RAB28: variants seen among roughly 807,000 people sequenced by gnomAD.
RAB28 encodes RAB28, member RAS oncogene family, also known as ras-related protein Rab-28.
Under a neutral mutation model 31.7 loss-of-function variants are expected in RAB28, and 24 were observed. The observed-to-expected ratio is 0.76, with a 90% CI of 0.55 to 1.06. The LOEUF is 1.06. Among genes scored for constraint, RAB28 ranks in the 50% least tolerant of loss-of-function variants. The pLI is 0.00. For synonymous variants in RAB28, 100 were observed against 90.4 expected, an observed-to-expected ratio of 1.11 and a Z score of -0.60; for missense variants, 254 against 258.5, an observed-to-expected ratio of 0.98 and a Z score of 0.12.
chr4:13,481,875 G>A (rs1024607143), intron 1 of RAB28, among the ~76,000 whole-genome samples: 2 of 152,054 alleles, frequency 1.3e-5, no homozygotes, highest in Admixed American at 1.3e-4. Flanking sequence ...ATACAAGTAA[G>A]AATGAAAGAG....
chr4:13,438,746 T>C (rs1212364495), intron 4 of RAB28, among the ~76,000 whole-genome samples: 2 of 152,182 alleles, frequency 1.3e-5, no homozygotes, highest in Non-Finnish European at 2.9e-5. Context: ...TAAATTTTTG[T>C]GTGGGCATAC....
intron 6 of RAB28, chr4:13,370,350 C>A: frequency 1.1e-6 from 1 of 946,308 alleles, no homozygotes; most frequent in Non-Finnish European, 1.3e-6. Flanking sequence ...TGTTAAAGTG[C>A]AATAAAAGGA....
At chr4:13,402,180 T>G (rs1711806951) in intron 4 of RAB28, among the ~76,000 whole-genome samples, 1 of 152,236 alleles carries the variant, frequency 6.6e-6, no homozygotes, top group Non-Finnish European at 1.5e-5. Flanking sequence ...TGATAAATAC[T>G]TCATCTGCAC....
chr4:13,373,959 A>ATGTATGTATGTG (rs574362033), intron 6 of RAB28, among the ~76,000 whole-genome samples: 1 of 151,192 alleles, frequency 6.6e-6, no homozygotes, highest in African/African-American at 2.4e-5. Flanking sequence ...GTATGTATGT[A>ATGTATGTATGTG]TGTGTGTGTG....
At position 13,390,854 on chromosome 4, in the gene RAB28, C is replaced by G. The variant is rs141313000; in HGVS notation, c.392-9260G>C. On this transcript the variant is annotated intron_variant, in intron 4 of 6. Coordinates refer to ENST00000330852, the MANE Select transcript of RAB28 (RefSeq NM_001017979.3). Reference sequence around the variant, plus strand: ...TGCTGGGAAAACTGGCTAGCCATATCTAGAAAGGTGAAACTGGATCCCTTC... The same window carrying G: ...TGCTGGGAAAACTGGCTAGCCATATGTAGAAAGGTGAAACTGGATCCCTTC... Among the ~76,000 whole-genome samples, 545 of 152,148 alleles carry G rather than the reference C, an allele frequency of 3.6e-3. 3 individuals carry two copies. The highest frequency in any genetic ancestry group is 0.012 in the African/African-American group (488 of 41,518).
intron 4 of RAB28, among the ~76,000 whole-genome samples, chr4:13,429,107 G>C (rs1414273898): frequency 6.6e-6 from 1 of 151,968 alleles, no homozygotes; most frequent in Non-Finnish European, 1.5e-5. Flanking sequence ...ACTACGCCTA[G>C]CTAATTTTTT....
In RAB28 at chr4:13,416,619, T is replaced by C. The variant is rs573058066; in HGVS notation, c.392-35025A>G. ...TTCTAGAACAGGCAAAACCAACCCA[T>C]GGAGTAAATAATTAAGAATGGGGGT... On this transcript the variant is annotated intron_variant, in intron 4 of 6. Coordinates refer to ENST00000330852, the MANE Select transcript of RAB28 (RefSeq NM_001017979.3). Among the ~76,000 whole-genome samples, 16 of 152,204 alleles carry C rather than the reference T, an allele frequency of 1.1e-4. No homozygotes were observed. In the South Asian group the frequency reaches 2.9e-3, roughly 28 times the overall value.
intron 4 of RAB28, among the ~76,000 whole-genome samples, chr4:13,402,557 T>G (rs933746344): frequency 6.6e-6 from 1 of 152,206 alleles, no homozygotes; most frequent in South Asian, 2.1e-4. Context: ...AACTTTCTTT[T>G]GATTAGTCTT....
At chr4:13,398,975 A>G (rs1050206046) in intron 4 of RAB28, among the ~76,000 whole-genome samples, 2 of 152,216 alleles carry the variant, frequency 1.3e-5, no homozygotes, top group African/African-American at 4.8e-5. Flanking sequence ...ATTCAGTGTA[A>G]TAAGAATTGC....
intron 4 of RAB28, among the ~76,000 whole-genome samples, chr4:13,435,756 C>T (rs767639283): frequency 1.3e-5 from 2 of 152,024 alleles, no homozygotes; most frequent in East Asian, 1.9e-4. Context: ...AATACTGCCG[C>T]GGACCAGATG....
chr4:13,483,975 G>A (rs1716742422), intron 1 of RAB28, 101 bp downstream of exon 1: 2 of 1,167,150 alleles, frequency 1.7e-6, no homozygotes, highest in Non-Finnish European at 2.5e-6. Context: ...CTAGAAGCCC[G>A]AGGGCTCGGG....
Position 13,389,949 on chromosome 4 carries a change from G to A in RAB28, c.392-8355C>T, listed in dbSNP as rs535076096. On this transcript the variant is annotated intron_variant, in intron 4 of 6. Coordinates refer to ENST00000330852, the MANE Select transcript of RAB28 (RefSeq NM_001017979.3). Reference sequence around the variant, plus strand: ...TATTTATGACAAACCCACAGCCAATGTCATACTGAATGGGCAAAAACTAGA... The same window carrying A: ...TATTTATGACAAACCCACAGCCAATATCATACTGAATGGGCAAAAACTAGA... Among the ~76,000 whole-genome samples, 22 of 152,190 alleles carry A rather than the reference G, an allele frequency of 1.4e-4. No homozygotes were observed. In the East Asian group the frequency reaches 4.2e-3, roughly 29 times the overall value.
chr4:13,435,446 T>C (rs1470214020), intron 4 of RAB28, among the ~76,000 whole-genome samples: 1 of 151,396 alleles, frequency 6.6e-6, no homozygotes, highest in Non-Finnish European at 1.5e-5. Flanking sequence ...TGAAAGTTGG[T>C]TCTTTGAAAA....
chr4:13,480,681 G>T (rs1029295009), intron 1 of RAB28, among the ~76,000 whole-genome samples: 1 of 151,718 alleles, frequency 6.6e-6, no homozygotes, highest in South Asian at 2.1e-4. Context: ...AATATTTTTG[G>T]GTTTAAATAC....
At chr4:13,465,161 C>A (rs1214054921) in intron 3 of RAB28, among the ~76,000 whole-genome samples, 1 of 151,782 alleles carries the variant, frequency 6.6e-6, no homozygotes, top group Non-Finnish European at 1.5e-5. Flanking sequence ...GTGGGACAGT[C>A]CCAAGTAGGT....
chr4:13,422,396 G>T (rs2108922432), intron 4 of RAB28, among the ~76,000 whole-genome samples: 1 of 152,240 alleles, frequency 6.6e-6, no homozygotes, highest in Admixed American at 6.5e-5. Context: ...TCCCATTGTT[G>T]GGTATATATC....
In RAB28 at chr4:13,388,862, T is replaced by A. The variant is rs952938361; in HGVS notation, c.392-7268A>T. Among the ~76,000 whole-genome samples the A allele has an allele frequency of 3.3e-5, 5 of 152,162 alleles. No homozygotes were observed. The East Asian group carries it at 9.6e-4, about 29-fold the overall frequency. On this transcript the variant is annotated intron_variant, in intron 4 of 6. Coordinates refer to ENST00000330852, the MANE Select transcript of RAB28 (RefSeq NM_001017979.3). ...AATGTTTGTTGGTGGGACTGTAAAG[T>A]GGTGCAACTGCTACAGAAAACTGTA...
chr4:13,461,395 T>C (rs1242073045), intron 3 of RAB28, among the ~76,000 whole-genome samples: 2 of 152,224 alleles, frequency 1.3e-5, no homozygotes, highest in Non-Finnish European at 2.9e-5. Flanking sequence ...ACCCTTCATA[T>C]ACTTGAGCAG....
chr4:13,463,419 T>C (rs1025659232), intron 3 of RAB28, among the ~76,000 whole-genome samples: 1 of 152,202 alleles, frequency 6.6e-6, no homozygotes, highest in Non-Finnish European at 1.5e-5. Flanking sequence ...CCACACTGTG[T>C]ATCTGTAGAT....
Sources: allele counts gnomAD v4.1 joint callset (sites outside exome capture counted in the v4.1 genomes callset), GRCh38; gene constraint gnomAD v4.1.1; transcripts MANE v1.5; gene names NCBI Gene and HGNC (gene_info 2026-07-23, HGNC 2026-07-21).